LYPLAL1: variants seen among roughly 807,000 people sequenced by gnomAD.
LYPLAL1 encodes lysophospholipase like 1.
In LYPLAL1, 23 loss-of-function variants were observed where a neutral mutation model predicts 19.7. The observed-to-expected ratio is 1.17, with a 90% confidence interval of 0.84 to 1.65. LYPLAL1 has a LOEUF of 1.65. Among genes scored for constraint, LYPLAL1 ranks in the 40% most tolerant of loss-of-function variants. LYPLAL1 has a pLI of 0.00. For missense variants in LYPLAL1, 355 were observed against 279.4 expected (o/e 1.27, Z -1.93); for synonymous variants, 119 against 96.3 (o/e 1.24, Z -1.38).
chr1:219,229,315 G>GAGAGAGAGAGAGAGAGAA, the LYPLAL1 span, among the ~76,000 whole-genome samples: 1 of 149,756 alleles, frequency 6.7e-6, no homozygotes, highest in African/African-American at 2.5e-5. Context: ...GAGAGAGAGA[G>GAGAGAGAGAGAGAGAGAA]AGAGAGAGAG....
At chr1:219,367,404 G>C in the LYPLAL1 span, among the ~76,000 whole-genome samples, 13 of 151,972 alleles carry the variant, frequency 8.6e-5, no homozygotes, top group Non-Finnish European at 1.5e-4. Flanking sequence ...TGGTAGTTCT[G>C]TTTAGAAATA....
At chr1:219,345,791 C>T in the LYPLAL1 span, among the ~76,000 whole-genome samples, 2 of 152,150 alleles carry the variant, frequency 1.3e-5, no homozygotes, top group Non-Finnish European at 2.9e-5. Flanking sequence ...AGGAAGGAAG[C>T]ATGGACAGGA....
At chr1:219,258,933 A>G in the LYPLAL1 span, among the ~76,000 whole-genome samples, 30 of 152,168 alleles carry the variant, frequency 2.0e-4, no homozygotes, top group South Asian at 5.6e-3. Flanking sequence ...AAAAACAAAT[A>G]ATCCCATCAA....
the LYPLAL1 span, among the ~76,000 whole-genome samples, chr1:219,313,451 A>G: frequency 6.6e-6 from 1 of 152,184 alleles, no homozygotes; most frequent in Non-Finnish European, 1.5e-5. Flanking sequence ...CAAGAAGGGG[A>G]AAGGCTGTGT....
chr1:219,397,922 T>C, the LYPLAL1 span, among the ~76,000 whole-genome samples: 1 of 152,246 alleles, frequency 6.6e-6, no homozygotes, highest in African/African-American at 2.4e-5. Context: ...AGAGGTCTGC[T>C]GTTAGTTGGA....
the LYPLAL1 span, among the ~76,000 whole-genome samples, chr1:219,380,886 A>G: frequency 6.6e-6 from 1 of 152,186 alleles, no homozygotes; most frequent in Admixed American, 6.5e-5. Flanking sequence ...TTCTAATAAA[A>G]TTGTATTTAT....
the LYPLAL1 span, among the ~76,000 whole-genome samples, chr1:219,371,523 A>G: frequency 6.6e-6 from 1 of 152,232 alleles, no homozygotes. Context: ...TGTTAAGCTA[A>G]GTTCACCTAA....
At chr1:219,208,003 C>A (rs1045470816) in intron 3 of LYPLAL1, among the ~76,000 whole-genome samples, 4 of 152,004 alleles carry the variant, frequency 2.6e-5, no homozygotes, top group African/African-American at 9.7e-5. Flanking sequence ...CTTCCTCTCT[C>A]ACATTCTCTC....
the LYPLAL1 span, among the ~76,000 whole-genome samples, chr1:219,247,366 A>G: frequency 3.3e-5 from 5 of 152,212 alleles, no homozygotes; most frequent in African/African-American, 1.2e-4. Context: ...AGTGAAATTC[A>G]TAAGTTTCTT....
the LYPLAL1 span, among the ~76,000 whole-genome samples, chr1:219,382,447 C>A: frequency 6.6e-6 from 1 of 152,196 alleles, no homozygotes; most frequent in African/African-American, 2.4e-5. Flanking sequence ...GCAAGCTCCA[C>A]CTCCCGGGGT....
At chr1:219,269,021 T>C in the LYPLAL1 span, among the ~76,000 whole-genome samples, 147,173 of 152,352 alleles carry the variant, frequency 0.97, 71,304 homozygotes, top group Non-Finnish European at 1. Flanking sequence ...TCAAAGGTGA[T>C]GTAGCCGGTC....
the LYPLAL1 span, among the ~76,000 whole-genome samples, chr1:219,226,420 G>A: frequency 5.3e-5 from 8 of 152,130 alleles, no homozygotes; most frequent in African/African-American, 1.9e-4. Context: ...TATACAGCAT[G>A]CATTCTGCTC....
At chr1:219,174,110 C>T in intron 1 of LYPLAL1, 129 bp downstream of exon 1, 1 of 1,483,220 alleles carries the variant, frequency 6.7e-7, no homozygotes, top group South Asian at 1.3e-5. Context: ...CCCCCGTCGC[C>T]AGCCCCGGCT....
At chr1:219,206,803 A>T (rs1373935483) in intron 3 of LYPLAL1, among the ~76,000 whole-genome samples, 1 of 151,724 alleles carries the variant, frequency 6.6e-6, no homozygotes, top group Non-Finnish European at 1.5e-5. Flanking sequence ...AACAAAAATG[A>T]AGTGTTTGTC....
chr1:219,359,302 C>G, the LYPLAL1 span, among the ~76,000 whole-genome samples: 6 of 152,174 alleles, frequency 3.9e-5, no homozygotes, highest in Non-Finnish European at 8.8e-5. Context: ...GTGTTCAACT[C>G]TTAAAGAACA....
At chr1:219,292,152 C>T in the LYPLAL1 span, among the ~76,000 whole-genome samples, 1 of 152,154 alleles carries the variant, frequency 6.6e-6, no homozygotes, top group South Asian at 2.1e-4. Flanking sequence ...CCTTGTGTTG[C>T]TGCCTTCTGA....
intron 3 of LYPLAL1, among the ~76,000 whole-genome samples, chr1:219,204,707 T>A (rs1007731062): frequency 6.6e-6 from 1 of 152,196 alleles, no homozygotes; most frequent in Non-Finnish European, 1.5e-5. Flanking sequence ...AGGATATAAT[T>A]ATTTTCATTT....
chr1:219,435,929 A>G, the LYPLAL1 span, among the ~76,000 whole-genome samples: 2 of 152,186 alleles, frequency 1.3e-5, no homozygotes, highest in African/African-American at 2.4e-5. Flanking sequence ...TGTTCAAGTA[A>G]TGCTGTCTAC....
chr1:219,248,850 G>A, the LYPLAL1 span, among the ~76,000 whole-genome samples: 6 of 151,908 alleles, frequency 3.9e-5, no homozygotes, highest in South Asian at 2.1e-4. Flanking sequence ...ACAGATAAAC[G>A]CAAAGAAAAT....
Sources: allele counts gnomAD v4.1 joint callset (sites outside exome capture counted in the v4.1 genomes callset), GRCh38; gene constraint gnomAD v4.1.1; transcripts MANE v1.5; gene names NCBI Gene and HGNC (gene_info 2026-07-23, HGNC 2026-07-21).